The following ANXA11 variants were observed in gnomAD, a reference collection of about 807,000 sequenced individuals.
The protein encoded by ANXA11 is 56 kDa autoantigen.
ANXA11 carries 57 observed loss-of-function variants against 64.7 expected under a neutral mutation model. The ratio of observed to expected loss-of-function variants is 0.88; its 90% CI spans 0.71 to 1.10. The LOEUF is 1.10. ANXA11 is among the 50% of genes least tolerant of loss of function. The pLI, the probability that ANXA11 is intolerant of heterozygous loss-of-function variation, is 0.00. For missense variants in ANXA11, 675 were observed against 670.7 expected (o/e 1.01, Z -0.07); for synonymous variants, 260 against 265.2 (o/e 0.98, Z 0.19).
intron 4 of ANXA11, among the ~76,000 whole-genome samples, chr10:80,170,216 C>A (rs1464415731): frequency 6.6e-6 from 1 of 152,092 alleles, no homozygotes; most frequent in Non-Finnish European, 1.5e-5. Context: ...TTCACATATC[C>A]CCAGTGCCTA....
rs753290653 is a variant in ANXA11 at position 80,159,158 on chromosome 10, A to G, written c.1218T>C (p.Ile406=). ...ACATCTCCCGGCAGATGCTCTTCTC[A>G]ATGTCCCGGCCTGTCATTCTCTGGT... ...NEYQRMTGRD[I]EKSICREMSG... Residue 406 remains isoleucine, a synonymous_variant, in exon 13 of 16, where the codon ATT becomes ATC. Coordinates refer to ENST00000422982, the MANE Select transcript of ANXA11 (RefSeq NM_145868.2). 7 of 1,613,992 alleles carry G rather than the reference A, an allele frequency of 4.3e-6. No homozygotes were observed. In the Admixed American group the frequency reaches 1.2e-4, roughly 27 times the overall value.
chr10:80,166,089 T>C lies in ANXA11; in HGVS notation c.853A>G (p.Ile285Val). 1 of 1,575,082 alleles carries C rather than the reference T, an allele frequency of 6.3e-7. No homozygotes were observed. Among genetic ancestry groups the C allele is most frequent in the South Asian group, 1.1e-5 (1 of 89,290 alleles). ...ACACACACACACGTACACACCTTGA[T>C]GGCTTCCTTTATCTCATAAATGTCA... Reference protein sequence around the residue: ...LFDIYEIKEAIKGVGTDEACL... With the variant: ...LFDIYEIKEAVKGVGTDEACL... The change falls in exon 8 of 16, where the codon ATC (isoleucine) becomes GTC (valine). Residue 285 changes from isoleucine to valine, a missense_variant. By Grantham distance (29) the Ile-to-Val change is conservative. Coordinates refer to ENST00000422982, the MANE Select transcript of ANXA11 (RefSeq NM_145868.2).
intron 13 of ANXA11, 22 bp downstream of exon 13, chr10:80,159,078 G>A: frequency 6.3e-7 from 1 of 1,599,284 alleles, no homozygotes; most frequent in Admixed American, 1.7e-5. Flanking sequence ...TGGCAGGTGG[G>A]CGGCAAACCT....
chr10:80,175,103 C>T (rs61860036), intron 2 of ANXA11, among the ~76,000 whole-genome samples: 17,236 of 152,140 alleles, frequency 0.11, 1,200 homozygotes, highest in South Asian at 0.24. Flanking sequence ...ATGAGGTCCC[C>T]GGTGGCATCA....
In ANXA11 at chr10:80,183,973, A is replaced by G. The variant is rs148483317; in HGVS notation, c.-57-7818T>C. On this transcript the variant is annotated intron_variant, in intron 1 of 15. Coordinates refer to ENST00000422982, the MANE Select transcript of ANXA11 (RefSeq NM_145868.2). Reference sequence around the variant, plus strand: ...GTGGAATTCCATGGAGTGAGCCACAATCCTAATTAATCCATTAATCACAGA... The same window carrying G: ...GTGGAATTCCATGGAGTGAGCCACAGTCCTAATTAATCCATTAATCACAGA... Among the ~76,000 whole-genome samples the G allele has an allele frequency of 3.0e-3, 463 of 152,304 alleles. 4 individuals carry two copies. The highest frequency in any genetic ancestry group is 0.011 in the African/African-American group (441 of 41,560).
At chr10:80,158,453 G>A (rs772151303) in intron 13 of ANXA11, among the ~76,000 whole-genome samples, 10 of 152,150 alleles carry the variant, frequency 6.6e-5, no homozygotes, top group Non-Finnish European at 1.0e-4. Flanking sequence ...CAGGCCATGA[G>A]ACCTACTATG....
At chr10:80,186,964 T>C (rs1194663259) in intron 1 of ANXA11, among the ~76,000 whole-genome samples, 1 of 152,198 alleles carries the variant, frequency 6.6e-6, no homozygotes, top group Non-Finnish European at 1.5e-5. Flanking sequence ...TCAGAATTTC[T>C]GAGGAGTGGA....
intron 1 of ANXA11, among the ~76,000 whole-genome samples, chr10:80,192,665 AG>A (rs1163583633): frequency 6.6e-6 from 1 of 152,248 alleles, no homozygotes; most frequent in Non-Finnish European, 1.5e-5. Context: ...GGTCCTTTTC[AG>A]GGGAACTGGA....
intron 1 of ANXA11, among the ~76,000 whole-genome samples, chr10:80,194,890 C>T (rs1279111017): frequency 6.6e-6 from 1 of 152,222 alleles, no homozygotes; most frequent in Non-Finnish European, 1.5e-5. Context: ...GCGCACCTCC[C>T]TCCCTCCTTC....
In ANXA11 at chr10:80,155,891, G is replaced by C; in HGVS notation, c.1480C>G (p.Arg494Gly). Residue 494 changes from arginine to glycine, a missense_variant, in exon 16 of 16, where the codon CGG (arginine) becomes GGG (glycine). Transcript: ENST00000422982. ...DISGDTSGDY[R>G]KILLKICGGN... ...CCACAGATCTTCAGCAGAATCTTCC[G>C]GTAATCCCCTGAAGTATCTCCCTGG... The C allele has an allele frequency of 6.2e-7, 1 of 1,614,144 alleles. No individual in the cohort carries two copies. Among genetic ancestry groups the C allele is most frequent in the Non-Finnish European group, 8.5e-7 (1 of 1,180,006 alleles).
At chr10:80,163,920 G>C (rs887717735) in intron 9 of ANXA11, 133 bp downstream of exon 9, 1 of 739,624 alleles carries the variant, frequency 1.4e-6, no homozygotes, top group Non-Finnish European at 2.2e-6. Context: ...CCAAAGTATT[G>C]GGGGTGGCAG....
chr10:80,155,996 AC>A, intron 15 of ANXA11, 84 bp from the exon 16 acceptor site: 9 of 1,395,236 alleles, frequency 6.5e-6, no homozygotes, highest in Non-Finnish European at 9.1e-6. Context: ...AGCCCTGAGC[AC>A]CCTTATAGGG....
chr10:80,161,646 A>T (rs1324960303), intron 12 of ANXA11, among the ~76,000 whole-genome samples: 2 of 152,196 alleles, frequency 1.3e-5, no homozygotes, highest in Non-Finnish European at 2.9e-5. Context: ...CAGGCTTTGG[A>T]AAACACTGGA....
At chr10:80,197,188 T>C (rs921266495) in intron 1 of ANXA11, among the ~76,000 whole-genome samples, 3 of 152,162 alleles carry the variant, frequency 2.0e-5, no homozygotes, top group Admixed American at 6.5e-5. Context: ...ACCACATCTC[T>C]GGATTTCCAG....
At chr10:80,167,013 G>T in intron 6 of ANXA11, 29 bp from the exon 7 acceptor site, 2 of 1,516,818 alleles carry the variant, frequency 1.3e-6, no homozygotes, top group Non-Finnish European at 9.0e-7. Context: ...GGGGTGGGTC[G>T]GGTAGGGGTC....
intron 1 of ANXA11, among the ~76,000 whole-genome samples, chr10:80,190,262 A>C (rs1846714160): frequency 6.6e-6 from 1 of 151,832 alleles, no homozygotes; most frequent in Non-Finnish European, 1.5e-5. Context: ...TAAAATGGTA[A>C]ATTTTACGTT....
At chr10:80,183,774 G>T (rs1846440477) in intron 1 of ANXA11, among the ~76,000 whole-genome samples, 1 of 152,174 alleles carries the variant, frequency 6.6e-6, no homozygotes, top group Non-Finnish European at 1.5e-5. Context: ...TTAAACAAGG[G>T]TCTGCCAAGG....
chr10:80,158,009 A>G lies in ANXA11; in HGVS notation c.1293T>C (p.Asn431=). 1 of 1,614,082 alleles carries G rather than the reference A, an allele frequency of 6.2e-7. No homozygotes were observed. The highest frequency in any genetic ancestry group is 8.5e-7 in the Non-Finnish European group (1 of 1,179,980). ...GCCTCTCCGCAAAGAAGGCTGGGGT[A>G]TTCTTGAGACATTTCACTAGAAGAG... ...GMLAVVKCLK[N]TPAFFAERLN... The change falls in exon 14 of 16, where the codon AAT becomes AAC. Residue 431 remains asparagine, a synonymous_variant. Transcript: ENST00000422982.
chr10:80,203,033 G>A (rs1247406925), intron 1 of ANXA11, among the ~76,000 whole-genome samples: 9 of 118,752 alleles, frequency 7.6e-5, no homozygotes, highest in Non-Finnish European at 9.9e-5. Context: ...GTGACAGGGC[G>A]AAATCTGTCT....
Sources: gnomAD v4.1 joint callset for allele counts (sites outside exome capture counted in the v4.1 genomes callset) on GRCh38, gnomAD v4.1.1 for gene constraint, MANE v1.5 for transcripts, NCBI Gene and HGNC (gene_info 2026-07-23, HGNC 2026-07-21) for gene names.